MNAT1: variants seen among roughly 807,000 people sequenced by gnomAD.
MNAT1 encodes CDK-activating kinase assembly factor MAT1.
MNAT1 carries 43 observed loss-of-function variants against 42.0 expected under a neutral mutation model. The ratio of observed to expected loss-of-function variants is 1.02; its 90% CI spans 0.80 to 1.32. MNAT1 has a LOEUF of 1.32. MNAT1 is among the 40% of genes most tolerant of loss of function. The pLI, the probability that MNAT1 is intolerant of heterozygous loss-of-function variation, is 0.00. For synonymous variants in MNAT1, 118 were observed against 120.0 expected, an observed-to-expected ratio of 0.98 and a Z score of 0.11; for missense variants, 306 against 350.4, an observed-to-expected ratio of 0.87 and a Z score of 1.01.
intron 1 of MNAT1, among the ~76,000 whole-genome samples, chr14:60,789,678 T>A (rs2031758479): frequency 6.6e-6 from 1 of 152,172 alleles, no homozygotes; most frequent in Non-Finnish European, 1.5e-5. Flanking sequence ...GCTTTGAGCC[T>A]CTAATGTCTT....
At chr14:60,905,664 T>C (rs1038978064) in intron 7 of MNAT1, among the ~76,000 whole-genome samples, 4 of 152,152 alleles carry the variant, frequency 2.6e-5, no homozygotes, top group East Asian at 1.9e-4. Context: ...GAGGTGAAAG[T>C]CATGGAGTAT....
intron 5 of MNAT1, among the ~76,000 whole-genome samples, chr14:60,814,463 C>A (rs2032649794): frequency 6.6e-6 from 1 of 151,808 alleles, no homozygotes. Flanking sequence ...TAATTTATTT[C>A]CCTGAGGCTT....
intron 7 of MNAT1, among the ~76,000 whole-genome samples, chr14:60,897,934 A>G (rs1314210742): frequency 6.6e-6 from 1 of 151,980 alleles, no homozygotes; most frequent in Admixed American, 6.6e-5. Flanking sequence ...GCTATATTCT[A>G]GTGTCTATCT....
At chr14:60,823,788 G>A (rs1010980510) in intron 6 of MNAT1, among the ~76,000 whole-genome samples, 3 of 152,086 alleles carry the variant, frequency 2.0e-5, no homozygotes, top group Admixed American at 6.6e-5. Context: ...GAACTAGGGC[G>A]GCAGAGGTTG....
intron 2 of MNAT1, 67 bp from the exon 3 acceptor site, chr14:60,798,012 GAACAAGCA>G: frequency 1.4e-6 from 1 of 712,116 alleles, no homozygotes; most frequent in Non-Finnish European, 2.5e-6. Flanking sequence ...AATTAGGTCA[GAACAAGCA>G]AACCAGTTAG....
intron 4 of MNAT1, chr14:60,808,885 G>T (rs904913020): frequency 6.6e-6 from 1 of 152,162 alleles, no homozygotes; most frequent in Non-Finnish European, 1.5e-5. Context: ...TTCATGATTA[G>T]ATCAGAGGAA....
At chr14:60,933,067 C>G (rs2035920909) in intron 7 of MNAT1, among the ~76,000 whole-genome samples, 1 of 151,876 alleles carries the variant, frequency 6.6e-6, no homozygotes, top group Non-Finnish European at 1.5e-5. Context: ...TTTGTTTCCT[C>G]CTTTATGAAA....
At chr14:60,893,995 G>T (rs997019930) in intron 7 of MNAT1, among the ~76,000 whole-genome samples, 1 of 152,100 alleles carries the variant, frequency 6.6e-6, no homozygotes. Flanking sequence ...TTACTTCAGG[G>T]TACAGGTGGC....
chr14:60,930,957 A>G (rs191928135), intron 7 of MNAT1, among the ~76,000 whole-genome samples: 4 of 152,188 alleles, frequency 2.6e-5, no homozygotes, highest in Non-Finnish European at 5.9e-5. Flanking sequence ...ATAGGTAGCT[A>G]TGGAAGACGT....
At chr14:60,936,184 TG>T (rs2035991138) in intron 7 of MNAT1, among the ~76,000 whole-genome samples, 1 of 152,130 alleles carries the variant, frequency 6.6e-6, no homozygotes, top group Non-Finnish European at 1.5e-5. Flanking sequence ...TGTAAACACT[TG>T]TGGGGCTGTT....
At chr14:60,955,593 G>A (rs1191046471) in intron 7 of MNAT1, among the ~76,000 whole-genome samples, 6 of 152,278 alleles carry the variant, frequency 3.9e-5, no homozygotes, top group East Asian at 1.9e-4. Flanking sequence ...CCCAGGAGGC[G>A]GAGGTTGCAG....
chr14:60,847,911 C>T (rs183888074), intron 6 of MNAT1, among the ~76,000 whole-genome samples: 29 of 152,088 alleles, frequency 1.9e-4, no homozygotes, highest in Admixed American at 1.6e-3. Context: ...GTAAGATTAA[C>T]CATACAGTTT....
At chr14:60,890,934 A>G (rs1399448280) in intron 7 of MNAT1, among the ~76,000 whole-genome samples, 1 of 152,208 alleles carries the variant, frequency 6.6e-6, no homozygotes, top group African/African-American at 2.4e-5. Flanking sequence ...AATCAAGTTG[A>G]CATTCACTAT....
chr14:60,929,178 T>TAC (rs2035834386), intron 7 of MNAT1, among the ~76,000 whole-genome samples: 1 of 141,146 alleles, frequency 7.1e-6, no homozygotes, highest in African/African-American at 2.6e-5. Context: ...AAAATATATA[T>TAC]ATATATATAT....
chr14:60,766,534 A>G (rs1306261333), intron 1 of MNAT1, among the ~76,000 whole-genome samples: 1 of 151,890 alleles, frequency 6.6e-6, no homozygotes, highest in Admixed American at 6.6e-5. Flanking sequence ...CAACATGGTG[A>G]AACTCCATTT....
At chr14:60,867,078 A>G (rs899429622) in intron 6 of MNAT1, among the ~76,000 whole-genome samples, 8 of 152,130 alleles carry the variant, frequency 5.3e-5, no homozygotes, top group Non-Finnish European at 1.2e-4. Flanking sequence ...CTAATTTGCT[A>G]GAAACATTTT....
At chr14:60,829,978 AT>A (rs907409377) in intron 6 of MNAT1, among the ~76,000 whole-genome samples, 1 of 152,190 alleles carries the variant, frequency 6.6e-6, no homozygotes, top group African/African-American at 2.4e-5. Flanking sequence ...GGATATAGTA[AT>A]TTTACAAGAA....
intron 6 of MNAT1, among the ~76,000 whole-genome samples, chr14:60,845,260 G>A (rs549780008): frequency 1.1e-4 from 17 of 151,702 alleles, no homozygotes; most frequent in Non-Finnish European, 2.4e-4. Context: ...TAATTTGTTT[G>A]TATATAGGTT....
In MNAT1 at chr14:60,909,363, A is replaced by AT. The variant is rs560080972; in HGVS notation, c.809+29536dup. Among the ~76,000 whole-genome samples, 800 of 151,838 alleles carry AT rather than the reference A, an allele frequency of 5.3e-3. 14 individuals carry two copies. The highest frequency in any genetic ancestry group is 0.018 in the African/African-American group (732 of 41,432). ...TTTGTCAATTTTGGCTTTTGTTGCCATTTTTTTTGGTGTTTTAAACATGAA... is the reference window on the plus strand; with the variant it reads ...TTTGTCAATTTTGGCTTTTGTTGCCATTTTTTTTTGGTGTTTTAAACATGAA... On this transcript the variant is annotated intron_variant, in intron 7 of 7. Coordinates refer to ENST00000261245, the MANE Select transcript of MNAT1 (RefSeq NM_002431.4).
Sources: allele counts gnomAD v4.1 joint callset (sites outside exome capture counted in the v4.1 genomes callset), GRCh38; gene constraint gnomAD v4.1.1; transcripts MANE v1.5; gene names NCBI Gene and HGNC (gene_info 2026-07-23, HGNC 2026-07-21).